SLC12A8: variants seen among roughly 807,000 people sequenced by gnomAD.
SLC12A8 encodes the protein solute carrier family 12 member 8, also known as cation-chloride cotransporter 9.
A neutral mutation model predicts 75.6 loss-of-function variants in SLC12A8; 69 were observed. That is an observed-to-expected ratio of 0.91 (90% CI 0.75 to 1.11). The LOEUF is 1.11. Among genes scored for constraint, SLC12A8 ranks in the 50% most tolerant of loss-of-function variants. The probability of loss-of-function intolerance (pLI) is 0.00; values close to 1 mark genes in which losing one functional copy is unlikely to be tolerated. For missense variants in SLC12A8, 877 were observed against 896.7 expected, an observed-to-expected ratio of 0.98 and a Z score of 0.28; for synonymous variants, 365 against 372.8, an observed-to-expected ratio of 0.98 and a Z score of 0.24.
intron 2 of SLC12A8, among the ~76,000 whole-genome samples, chr3:125,194,948 T>A (rs1934977718): frequency 6.6e-6 from 1 of 152,366 alleles, no homozygotes; most frequent in Middle Eastern, 3.4e-3. Flanking sequence ...ACCGGCCCCA[T>A]GTGCTGGACC....
intron 6 of SLC12A8, among the ~76,000 whole-genome samples, chr3:125,133,380 ATT>A (rs11344357): frequency 5.6e-4 from 85 of 150,504 alleles, no homozygotes; most frequent in African/African-American, 1.9e-3. Context: ...CACACACACA[ATT>A]TTTTTTTTGA....
intron 6 of SLC12A8, among the ~76,000 whole-genome samples, chr3:125,134,656 C>T (rs113994674): frequency 0.01 from 1,531 of 152,294 alleles, 19 homozygotes; most frequent in South Asian, 0.027. Flanking sequence ...CCAAAGTCAC[C>T]GCACCATTTT....
At chr3:125,144,882 C>T (rs1933734257) in intron 5 of SLC12A8, among the ~76,000 whole-genome samples, 1 of 151,886 alleles carries the variant, frequency 6.6e-6, no homozygotes, top group Non-Finnish European at 1.5e-5. Flanking sequence ...ATCAACACAC[C>T]GATATGTAAG....
At chr3:125,199,583 A>AG (rs1465632815) in intron 2 of SLC12A8, among the ~76,000 whole-genome samples, 164 of 124,398 alleles carry the variant, frequency 1.3e-3, no homozygotes, top group African/African-American at 2.3e-3. Flanking sequence ...CTCTAGAAGA[A>AG]GGAAAAAAAA....
chr3:125,129,688 G>T (rs1478411573), intron 6 of SLC12A8, among the ~76,000 whole-genome samples: 1 of 152,224 alleles, frequency 6.6e-6, no homozygotes, highest in Non-Finnish European at 1.5e-5. Flanking sequence ...TCCAGAAGAG[G>T]ATGGTGTTGG....
chr3:125,115,563 T>G (rs1158124536), intron 8 of SLC12A8, among the ~76,000 whole-genome samples: 1 of 151,380 alleles, frequency 6.6e-6, no homozygotes, highest in Non-Finnish European at 1.5e-5. Flanking sequence ...AAGACGCTTC[T>G]TAGAGAAACT....
intron 6 of SLC12A8, chr3:125,123,725 C>T (rs532027312): frequency 2.6e-5 from 4 of 152,228 alleles, no homozygotes; most frequent in Admixed American, 2.0e-4. Flanking sequence ...GATTCAATTC[C>T]CTCCCACCAG....
intron 1 of SLC12A8, among the ~76,000 whole-genome samples, chr3:125,212,216 T>G: frequency 6.7e-6 from 1 of 149,372 alleles, no homozygotes; most frequent in South Asian, 2.2e-4. Context: ...AGTGGGGGGT[T>G]GGGAGAGGAG....
intron 2 of SLC12A8, among the ~76,000 whole-genome samples, chr3:125,192,083 A>T (rs1045041575): frequency 6.6e-6 from 1 of 152,042 alleles, no homozygotes; most frequent in Non-Finnish European, 1.5e-5. Flanking sequence ...GAAATTCAGG[A>T]TGGGTCCCAA....
intron 6 of SLC12A8, among the ~76,000 whole-genome samples, chr3:125,129,079 C>T (rs1933289201): frequency 6.6e-6 from 1 of 152,152 alleles, no homozygotes; most frequent in Non-Finnish European, 1.5e-5. Context: ...GGTTTCCTAC[C>T]ACATTTTTTC....
intron 3 of SLC12A8, 44 bp from the exon 4 acceptor site, chr3:125,187,472 G>T (rs1467941415): frequency 1.3e-6 from 2 of 1,574,234 alleles, no homozygotes; most frequent in East Asian, 2.3e-5. Flanking sequence ...AGGTGAGGAG[G>T]CCCCGCCAGC....
At position 125,108,012 on chromosome 3, in the gene SLC12A8, T is replaced by C. The variant is rs1035654657; in HGVS notation, c.1174A>G (p.Met392Val). Residue 392 changes from methionine to valine, a missense_variant, in exon 10 of 14, where the codon ATG (methionine) becomes GTG (valine). Physicochemically the swap from Met to Val is conservative, Grantham distance 21. Transcript: ENST00000469902. The stretch of plus-strand genomic sequence containing the variant: ...TAGTCCACTGCAACGTATGTCAGCA[T>C]GAAGTTGATGGTGACGATGGGGGCC... ...VLAPIVTINF[M>V]LTYVAVDYSY... The C allele has an allele frequency of 4.3e-6, 7 of 1,614,030 alleles. No individual in the cohort carries two copies. In the African/African-American group the frequency reaches 9.3e-5, roughly 22 times the overall value.
At chr3:125,175,441 C>T (rs1934498406) in intron 5 of SLC12A8, among the ~76,000 whole-genome samples, 1 of 152,242 alleles carries the variant, frequency 6.6e-6, no homozygotes. Flanking sequence ...AATTTCATCT[C>T]ACACTACACT....
intron 10 of SLC12A8, among the ~76,000 whole-genome samples, chr3:125,099,268 C>T (rs1342522399): frequency 2.6e-5 from 4 of 152,158 alleles, no homozygotes; most frequent in Admixed American, 6.5e-5. Flanking sequence ...AGCCACACAC[C>T]ACGGGGGAGG....
At chr3:125,145,242 A>C (rs910154217) in intron 5 of SLC12A8, among the ~76,000 whole-genome samples, 2 of 152,162 alleles carry the variant, frequency 1.3e-5, no homozygotes, top group Non-Finnish European at 2.9e-5. Context: ...CTCTGCTGTT[A>C]CTGGCTGGCT....
At chr3:125,212,526 G>C (rs1043416277) in intron 1 of SLC12A8, among the ~76,000 whole-genome samples, 174 bp downstream of exon 1, 2 of 152,188 alleles carry the variant, frequency 1.3e-5, no homozygotes, top group Admixed American at 6.5e-5. Context: ...CGCACCCCAA[G>C]TACTGGGGCC....
intron 8 of SLC12A8, among the ~76,000 whole-genome samples, chr3:125,116,316 C>T (rs1393723572): frequency 1.3e-5 from 2 of 152,208 alleles, no homozygotes; most frequent in East Asian, 3.8e-4. Flanking sequence ...TTACAATGGT[C>T]TCTTCCAGGG....
At chr3:125,136,310 AC>A (rs896002138) in intron 5 of SLC12A8, among the ~76,000 whole-genome samples, 1 of 149,646 alleles carries the variant, frequency 6.7e-6, no homozygotes, top group Non-Finnish European at 1.5e-5. Context: ...ACCCACACCC[AC>A]CCCCCTGCCT....
intron 2 of SLC12A8, among the ~76,000 whole-genome samples, chr3:125,210,752 G>A (rs1579551525): frequency 6.6e-6 from 1 of 151,976 alleles, no homozygotes; most frequent in South Asian, 2.1e-4. Context: ...ACTTTAGTAT[G>A]GTTTATTATT....
Sources: allele counts gnomAD v4.1 joint callset (sites outside exome capture counted in the v4.1 genomes callset), GRCh38; gene constraint gnomAD v4.1.1; transcripts MANE v1.5; gene names NCBI Gene and HGNC (gene_info 2026-07-23, HGNC 2026-07-21).